MTG2: variants seen among roughly 807,000 people sequenced by gnomAD.
MTG2 encodes mitochondrial ribosome associated GTPase 2, also known as mitochondrial ribosome-associated GTPase 2.
Under a neutral mutation model 28.6 loss-of-function variants are expected in MTG2, and 23 were observed. The ratio of observed to expected loss-of-function variants is 0.80; its 90% CI spans 0.58 to 1.14. The LOEUF is 1.14. Among genes scored for constraint, MTG2 ranks in the 50% most tolerant of loss-of-function variants. MTG2 has a pLI of 0.00. For missense variants in MTG2, 539 were observed against 552.0 expected (o/e 0.98, Z 0.24); for synonymous variants, 260 against 251.8 (o/e 1.03, Z -0.31).
intron 1 of MTG2, among the ~76,000 whole-genome samples, chr20:62,185,437 A>T (rs956051080): frequency 2.0e-5 from 3 of 148,284 alleles, no homozygotes; most frequent in South Asian, 2.2e-4. Flanking sequence ...AAAAATAAAA[A>T]ATAAAATATA....
chr20:62,198,957 C>T, intron 5 of MTG2, 105 bp downstream of exon 5: 1 of 1,551,098 alleles, frequency 6.4e-7, no homozygotes, highest in Non-Finnish European at 8.8e-7. Flanking sequence ...AGCTTTGCGA[C>T]TCACCTTTTT....
intron 1 of MTG2, among the ~76,000 whole-genome samples, chr20:62,192,761 A>G (rs1303125010): frequency 6.6e-6 from 1 of 152,074 alleles, no homozygotes; most frequent in African/African-American, 2.4e-5. Flanking sequence ...CACTCAGGAA[A>G]TTACCAGCGT....
intron 1 of MTG2, 104 bp from the exon 2 acceptor site, chr20:62,193,312 A>G: frequency 1.7e-6 from 2 of 1,150,902 alleles, no homozygotes; most frequent in Non-Finnish European, 1.3e-6. Context: ...TGTTTGTTTC[A>G]GAAACGTGCA....
At chr20:62,194,493 G>A (rs1220381803) in intron 2 of MTG2, among the ~76,000 whole-genome samples, 1 of 152,208 alleles carries the variant, frequency 6.6e-6, no homozygotes, top group Non-Finnish European at 1.5e-5. Context: ...GCGCATGACA[G>A]CATTACACAT....
At chr20:62,191,143 C>T (rs1051294883) in intron 1 of MTG2, among the ~76,000 whole-genome samples, 3 of 152,170 alleles carry the variant, frequency 2.0e-5, no homozygotes, top group East Asian at 1.9e-4. Flanking sequence ...GGAATGAGGA[C>T]GTCCTGTGCA....
Position 62,193,594 on chromosome 20 carries a change from G to A in MTG2, c.174G>A (p.Pro58=), listed in dbSNP as rs1172871748. 14 of 1,612,808 alleles carry A rather than the reference G, an allele frequency of 8.7e-6. No homozygotes were observed. Among genetic ancestry groups the A allele is most frequent in the African/African-American group, 4.0e-5 (3 of 74,896 alleles). Reference sequence around the variant, plus strand: ...ACCTCGCCAAGCATCAGGAACTCCCGGGGAAGAAGCTGCTCTCTGAGAAAA... The same window carrying A: ...ACCTCGCCAAGCATCAGGAACTCCCAGGGAAGAAGCTGCTCTCTGAGAAAA... ...RADLAKHQEL[P]GKKLLSEKKL... The change falls in exon 2 of 7, where the codon CCG becomes CCA. Residue 58 remains proline, a synonymous_variant. Coordinates refer to ENST00000370823, the MANE Select transcript of MTG2 (RefSeq NM_015666.4).
At chr20:62,197,613 GAATACAGCTACTGTAA>G in intron 3 of MTG2, 1 of 460,470 alleles carries the variant, frequency 2.2e-6, no homozygotes, top group South Asian at 2.2e-5. Flanking sequence ...CAAAAGCATA[GAATACAGCTACTGTAA>G]AAAATAAGAA....
At chr20:62,185,398 C>T (rs942926842) in intron 1 of MTG2, among the ~76,000 whole-genome samples, 19 of 149,012 alleles carry the variant, frequency 1.3e-4, no homozygotes, top group African/African-American at 4.5e-4. Context: ...GGCGACAGAG[C>T]GAGACTGTCT....
At chr20:62,187,662 T>G (rs1481807858) in intron 1 of MTG2, among the ~76,000 whole-genome samples, 1 of 152,246 alleles carries the variant, frequency 6.6e-6, no homozygotes, top group Admixed American at 6.5e-5. Flanking sequence ...CCTCTGGCTG[T>G]CTGTAAGGTG....
chr20:62,200,816 A>G lies in MTG2; in HGVS notation c.960A>G (p.Gln320=), dbSNP rs771312911. Residue 320 remains glutamine (Q), a synonymous_variant, in exon 7 of 7, where the codon CAA becomes CAG. Transcript: ENST00000370823. ...VDLSQPEPWT[Q]VDDLKYELEM... ...TTTCTCAGCCTGAGCCGTGGACTCA[A>G]GTTGACGATTTAAAATATGAACTGG... 7.4e-6 allele frequency: 12 copies of G among 1,613,802 alleles called. No homozygotes were observed. In the Admixed American group the frequency reaches 2.0e-4, roughly 27 times the overall value.
intron 4 of MTG2, 56 bp from the exon 5 acceptor site, chr20:62,198,578 G>A: frequency 1.9e-6 from 3 of 1,563,508 alleles, no homozygotes; most frequent in African/African-American, 1.4e-5. Context: ...ATGGGTTAAG[G>A]CCTCCTTTCC....
chr20:62,195,758 C>T (rs2058045675), intron 2 of MTG2, 44 bp from the exon 3 acceptor site: 3 of 1,611,644 alleles, frequency 1.9e-6, no homozygotes, highest in Admixed American at 1.7e-5. Context: ...CTTGAAAGGA[C>T]CTTGGAGTGT....
At position 62,201,417 on chromosome 20, in the gene MTG2, G is replaced by C. The variant is rs6142991; in HGVS notation, c.*340G>C. ...CTCCGCCATGCACGCGTGGACTCTCGGATGAGCTCAGCAGAACCGCACAGC... is the reference window on the plus strand; with the variant it reads ...CTCCGCCATGCACGCGTGGACTCTCCGATGAGCTCAGCAGAACCGCACAGC... On this transcript the variant is annotated 3_prime_UTR_variant, in exon 7 of 7. Coordinates refer to ENST00000370823, the MANE Select transcript of MTG2 (RefSeq NM_015666.4). 0.16 allele frequency: 45,217 copies of C among 291,704 alleles called. 3,802 individuals are homozygous for C. Among genetic ancestry groups the C allele is most frequent in the South Asian group, 0.19 (3,760 of 20,178 alleles). 18.1% of individuals were successfully genotyped at this position (291,704 alleles called of 1,614,324 possible).
chr20:62,184,133 C>T (rs1049398963), intron 1 of MTG2, among the ~76,000 whole-genome samples: 1 of 152,236 alleles, frequency 6.6e-6, no homozygotes, highest in Admixed American at 6.5e-5. Flanking sequence ...CCAAGGCGGG[C>T]AGATCACGAG....
chr20:62,196,055 G>C, intron 3 of MTG2, 106 bp downstream of exon 3: 1 of 1,396,414 alleles, frequency 7.2e-7, no homozygotes, highest in Non-Finnish European at 9.7e-7. Context: ...GCTTATGCCT[G>C]TGATCCCAGC....
intron 1 of MTG2, among the ~76,000 whole-genome samples, chr20:62,187,515 A>G (rs967181202): frequency 2.2e-4 from 34 of 152,250 alleles, no homozygotes; most frequent in African/African-American, 7.5e-4. Context: ...CTTATTGAGT[A>G]GATACAGGGC....
At chr20:62,189,334 T>C (rs943698739) in intron 1 of MTG2, among the ~76,000 whole-genome samples, 1 of 152,070 alleles carries the variant, frequency 6.6e-6, no homozygotes, top group Non-Finnish European at 1.5e-5. Flanking sequence ...AAGTGTCTCT[T>C]TCTCTCATTC....
intron 1 of MTG2, among the ~76,000 whole-genome samples, chr20:62,187,474 T>C (rs1189704484): frequency 2.0e-5 from 3 of 152,212 alleles, no homozygotes; most frequent in Admixed American, 2.0e-4. Context: ...AGAGTTTTCC[T>C]TTGGGGAGTG....
chr20:62,200,559 A>T, intron 6 of MTG2, 124 bp from the exon 7 acceptor site: 1 of 1,207,566 alleles, frequency 8.3e-7, no homozygotes, highest in Non-Finnish European at 1.1e-6. Flanking sequence ...GGAAAGTGTT[A>T]GAACTCAGGA....
Sources: gnomAD v4.1 joint callset for allele counts (sites outside exome capture counted in the v4.1 genomes callset) on GRCh38, gnomAD v4.1.1 for gene constraint, MANE v1.5 for transcripts, NCBI Gene and HGNC (gene_info 2026-07-23, HGNC 2026-07-21) for gene names.